Variants in CACNA2D3 observed in about 807,000 individuals in gnomAD.
CACNA2D3 encodes calcium voltage-gated channel auxiliary subunit alpha2delta 3, also known as voltage-dependent calcium channel subunit alpha-2/delta-3.
Under a neutral mutation model 160.6 loss-of-function variants are expected in CACNA2D3, and 60 were observed. The ratio of observed to expected loss-of-function variants is 0.37; its 90% CI spans 0.30 to 0.46. The LOEUF (loss-of-function observed/expected upper bound fraction) is 0.46, where lower values mean the gene tolerates loss of function less well. Among genes scored for constraint, CACNA2D3 ranks in the 20% least tolerant of loss-of-function variants. The pLI is 1.00. For missense variants in CACNA2D3, 1,205 were observed against 1,365.0 expected (o/e 0.88, Z 1.85); for synonymous variants, 558 against 492.9 (o/e 1.13, Z -1.75).
At chr3:54,770,157 T>C (rs1702293420) in intron 13 of CACNA2D3, among the ~76,000 whole-genome samples, 1 of 152,252 alleles carries the variant, frequency 6.6e-6, no homozygotes, top group Non-Finnish European at 1.5e-5. Flanking sequence ...ACTTTTATTA[T>C]TATTTTTCTA....
intron 2 of CACNA2D3, among the ~76,000 whole-genome samples, chr3:54,139,092 T>G (rs1699872016): frequency 6.6e-6 from 1 of 152,228 alleles, no homozygotes; most frequent in Non-Finnish European, 1.5e-5. Context: ...TCCCTGGGCT[T>G]GCCTGCAGTA....
intron 11 of CACNA2D3, among the ~76,000 whole-genome samples, chr3:54,666,184 A>C (rs766607851): frequency 1.3e-5 from 2 of 152,236 alleles, no homozygotes; most frequent in Non-Finnish European, 2.9e-5. Flanking sequence ...AGGGAAACTC[A>C]AGAATCTTTT....
At chr3:54,648,489 A>G (rs1699696957) in intron 11 of CACNA2D3, among the ~76,000 whole-genome samples, 1 of 152,222 alleles carries the variant, frequency 6.6e-6, no homozygotes, top group Non-Finnish European at 1.5e-5. Context: ...AATTTAGACC[A>G]ACCAGCATAT....
intron 2 of CACNA2D3, among the ~76,000 whole-genome samples, chr3:54,291,712 A>T (rs1045988426): frequency 1.3e-4 from 20 of 152,296 alleles, no homozygotes; most frequent in African/African-American, 4.8e-4. Flanking sequence ...CATTGCCTAG[A>T]ACCCAAACTG....
intron 2 of CACNA2D3, among the ~76,000 whole-genome samples, chr3:54,300,805 A>T (rs893664578): frequency 2.6e-5 from 4 of 152,140 alleles, no homozygotes. Context: ...ACTTGAGGCC[A>T]CACGTTCAAG....
intron 2 of CACNA2D3, among the ~76,000 whole-genome samples, chr3:54,240,263 C>T (rs145135974): frequency 6.6e-6 from 1 of 152,146 alleles, no homozygotes; most frequent in East Asian, 1.9e-4. Context: ...AGATAGGAGC[C>T]ACCAAAGGGG....
intron 2 of CACNA2D3, among the ~76,000 whole-genome samples, chr3:54,128,948 G>GT (rs373625375): frequency 1.1e-3 from 174 of 152,314 alleles, no homozygotes; most frequent in African/African-American, 4.1e-3. Context: ...AAGCTTTTGT[G>GT]TATCATTCAG....
chr3:54,626,576 C>G (rs1325352883), intron 9 of CACNA2D3: 1 of 1,569,262 alleles, frequency 6.4e-7, no homozygotes, highest in South Asian at 1.1e-5. Flanking sequence ...TTCTCCATCA[C>G]CTACAAGCCC....
chr3:54,434,317 A>G (rs1700031007), intron 4 of CACNA2D3, among the ~76,000 whole-genome samples: 1 of 152,210 alleles, frequency 6.6e-6, no homozygotes, highest in African/African-American at 2.4e-5. Context: ...AGTTTGGGCT[A>G]TCAACATTCC....
At chr3:54,549,676 C>T (rs563674045) in intron 5 of CACNA2D3, among the ~76,000 whole-genome samples, 2 of 152,220 alleles carry the variant, frequency 1.3e-5, no homozygotes, top group African/African-American at 4.8e-5. Flanking sequence ...GTCCAGTCTG[C>T]GGCTTCTATG....
intron 6 of CACNA2D3, among the ~76,000 whole-genome samples, chr3:54,569,336 C>T (rs1234959816): frequency 6.6e-6 from 1 of 152,146 alleles, no homozygotes; most frequent in Non-Finnish European, 1.5e-5. Context: ...CCGTGTATAT[C>T]CTTAGTTGGA....
intron 4 of CACNA2D3, among the ~76,000 whole-genome samples, chr3:54,411,749 G>T (rs1362684038): frequency 6.6e-6 from 1 of 152,112 alleles, no homozygotes. Context: ...CATATTCACT[G>T]AATACCTGTT....
chr3:54,610,625 CT>C (rs375115370), intron 9 of CACNA2D3, among the ~76,000 whole-genome samples: 1 of 151,056 alleles, frequency 6.6e-6, no homozygotes, highest in African/African-American at 2.4e-5. Context: ...TTCTTCTTTC[CT>C]TTTTTTTTCT....
intron 27 of CACNA2D3, among the ~76,000 whole-genome samples, chr3:54,921,974 C>T (rs1700865358): frequency 6.6e-6 from 1 of 152,138 alleles, no homozygotes; most frequent in Non-Finnish European, 1.5e-5. Flanking sequence ...TTCAATATAT[C>T]TATAATCAGA....
chr3:54,787,047 G>A (rs1406497392), intron 13 of CACNA2D3, among the ~76,000 whole-genome samples: 2 of 152,146 alleles, frequency 1.3e-5, no homozygotes, highest in Non-Finnish European at 2.9e-5. Context: ...AGATGAAAAC[G>A]ATCAAATTTT....
At chr3:54,510,914 T>G (rs1205117225) in intron 5 of CACNA2D3, among the ~76,000 whole-genome samples, 3 of 152,166 alleles carry the variant, frequency 2.0e-5, no homozygotes, top group Non-Finnish European at 4.4e-5. Flanking sequence ...GCCAAAAATA[T>G]GTAGGGGATG....
chr3:54,307,631 G>A (rs1703643580), intron 2 of CACNA2D3, among the ~76,000 whole-genome samples: 1 of 152,152 alleles, frequency 6.6e-6, no homozygotes, highest in Non-Finnish European at 1.5e-5. Flanking sequence ...TACTCAATTT[G>A]GAGGTGAAAG....
At chr3:54,383,927 A>G (rs1284239889) in intron 3 of CACNA2D3, among the ~76,000 whole-genome samples, 1 of 152,240 alleles carries the variant, frequency 6.6e-6, no homozygotes, top group Non-Finnish European at 1.5e-5. Flanking sequence ...TTTGTTATAT[A>G]GGAATATGTT....
intron 4 of CACNA2D3, among the ~76,000 whole-genome samples, chr3:54,491,529 G>A (rs570973528): frequency 1.3e-5 from 2 of 152,300 alleles, no homozygotes; most frequent in African/African-American, 4.8e-5. Flanking sequence ...ATTGTTCTGA[G>A]GTTTGGCCAG....
Sources: gnomAD v4.1 joint callset for allele counts (sites outside exome capture counted in the v4.1 genomes callset) on GRCh38, gnomAD v4.1.1 for gene constraint, MANE v1.5 for transcripts, NCBI Gene and HGNC (gene_info 2026-07-23, HGNC 2026-07-21) for gene names.